JAM2: variants seen among roughly 807,000 people sequenced by gnomAD.
The protein encoded by JAM2 is junctional adhesion molecule 2, also known as junctional adhesion molecule B.
JAM2 carries 17 observed loss-of-function variants against 42.0 expected under a neutral mutation model. The ratio of observed to expected loss-of-function variants is 0.40; its 90% CI spans 0.28 to 0.61. The LOEUF (loss-of-function observed/expected upper bound fraction) is 0.61. Ranked by LOEUF, JAM2 falls within the 20% of genes least tolerant of loss-of-function variation. JAM2 has a pLI of 0.37. For missense variants in JAM2, 319 were observed against 358.3 expected (o/e 0.89, Z 0.89); for synonymous variants, 118 against 128.6 (o/e 0.92, Z 0.56).
rs551093874 is a variant in JAM2, at chr21:25,714,948, C to T, written c.*276C>T. ...CCTGGGCTTTGGGAAATGTTAACCACGTCCTAACTTCTAGAGAACGTTACT... is the reference window on the plus strand; with the variant it reads ...CCTGGGCTTTGGGAAATGTTAACCATGTCCTAACTTCTAGAGAACGTTACT... On this transcript the variant is annotated 3_prime_UTR_variant, in exon 10 of 10. Transcript: ENST00000480456. 5.5e-5 allele frequency: 16 copies of T among 289,364 alleles called. No homozygotes were observed. Among genetic ancestry groups the T allele is most frequent in the African/African-American group, 2.8e-4 (13 of 45,934 alleles). 17.9% of individuals were successfully genotyped at this position (289,364 alleles called of 1,614,324 possible).
chr21:25,663,828 A>C (rs1283085866), intron 1 of JAM2, among the ~76,000 whole-genome samples: 7 of 152,206 alleles, frequency 4.6e-5, no homozygotes, highest in Non-Finnish European at 8.8e-5. Flanking sequence ...GTATTCCATT[A>C]TCAGCAACAG....
intron 1 of JAM2, among the ~76,000 whole-genome samples, chr21:25,645,623 T>C (rs2032585204): frequency 6.6e-6 from 1 of 152,226 alleles, no homozygotes; most frequent in South Asian, 2.1e-4. Context: ...CACATACACA[T>C]ATAACCACTG....
intron 4 of JAM2, among the ~76,000 whole-genome samples, chr21:25,696,707 G>C (rs1245782956): frequency 6.6e-6 from 1 of 152,114 alleles, no homozygotes; most frequent in African/African-American, 2.4e-5. Flanking sequence ...CTCATTCTTG[G>C]TGTTGCCAGA....
At chr21:25,659,979 C>T (rs774186421) in intron 1 of JAM2, among the ~76,000 whole-genome samples, 3 of 151,310 alleles carry the variant, frequency 2.0e-5, no homozygotes, top group Non-Finnish European at 4.4e-5. Flanking sequence ...TGCAGTGGTG[C>T]GGATCTCGGC....
intron 7 of JAM2, among the ~76,000 whole-genome samples, chr21:25,709,098 AT>A (rs2034331440): frequency 6.6e-6 from 1 of 151,880 alleles, no homozygotes; most frequent in South Asian, 2.1e-4. Context: ...AAAGCATTCC[AT>A]TTCTCTAACT....
intron 6 of JAM2, among the ~76,000 whole-genome samples, chr21:25,703,051 C>A (rs2032083): frequency 6.6e-6 from 1 of 152,060 alleles, no homozygotes; most frequent in Non-Finnish European, 1.5e-5. Flanking sequence ...AGGGTTTCAC[C>A]GTGTTGGTCA....
intron 1 of JAM2, among the ~76,000 whole-genome samples, chr21:25,652,324 C>T (rs1054593241): frequency 5.9e-5 from 9 of 151,916 alleles, no homozygotes; most frequent in African/African-American, 1.9e-4. Context: ...CCTGGGAGAT[C>T]GAGGCTGTGG....
chr21:25,708,664 TG>T (rs1397321968), intron 7 of JAM2, among the ~76,000 whole-genome samples: 3 of 152,342 alleles, frequency 2.0e-5, no homozygotes, highest in African/African-American at 7.2e-5. Flanking sequence ...AATCCAGCTG[TG>T]GCCCCCTGCT....
chr21:25,695,505 G>A (rs1294080396), intron 4 of JAM2, among the ~76,000 whole-genome samples: 1 of 152,122 alleles, frequency 6.6e-6, no homozygotes, highest in Non-Finnish European at 1.5e-5. Flanking sequence ...CCTCCCAGAC[G>A]GGGCGGCCGC....
chr21:25,640,084 T>A (rs1452617432), intron 1 of JAM2, among the ~76,000 whole-genome samples, 196 bp downstream of exon 1: 1 of 152,110 alleles, frequency 6.6e-6, no homozygotes, highest in African/African-American at 2.4e-5. Context: ...GAGCGCGAGG[T>A]CGTGGGTTTC....
intron 2 of JAM2, 50 bp downstream of exon 2, chr21:25,683,998 G>A (rs373212840): frequency 7.8e-6 from 9 of 1,149,096 alleles, no homozygotes; most frequent in African/African-American, 3.1e-5. Flanking sequence ...AATAACTCAC[G>A]AGAGTGACTC....
At chr21:25,670,213 G>T (rs1420990095) in intron 1 of JAM2, among the ~76,000 whole-genome samples, 1 of 152,040 alleles carries the variant, frequency 6.6e-6, no homozygotes, top group Non-Finnish European at 1.5e-5. Context: ...GCTGCGCATG[G>T]TGGCTCATGC....
At chr21:25,689,026 T>G (rs555354091) in intron 2 of JAM2, among the ~76,000 whole-genome samples, 13 of 151,968 alleles carry the variant, frequency 8.6e-5, no homozygotes, top group East Asian at 3.9e-4. Context: ...TTTGTTTTTT[T>G]TTTTTTCTCT....
chr21:25,651,500 A>C (rs1408340755), intron 1 of JAM2, among the ~76,000 whole-genome samples: 1 of 152,220 alleles, frequency 6.6e-6, no homozygotes, highest in Non-Finnish European at 1.5e-5. Flanking sequence ...GTGAGATGAT[A>C]CAACTGCTAT....
chr21:25,689,807 A>C, intron 2 of JAM2, 59 bp from the exon 3 acceptor site: 1 of 1,073,056 alleles, frequency 9.3e-7, no homozygotes, highest in Non-Finnish European at 1.4e-6. Flanking sequence ...TACCTAGTTA[A>C]GTAAAATATA....
chr21:25,646,273 A>C lies in JAM2; in HGVS notation c.67+6385A>C, dbSNP rs545594446. On this transcript the variant is annotated intron_variant, in intron 1 of 9. Coordinates refer to ENST00000480456, the MANE Select transcript of JAM2 (RefSeq NM_021219.4). ...AAATCTGATCAGGAATTTAAGAAAA[A>C]TGGCTCTTTGGTTTTTAAGGAAAAA... Among the ~76,000 whole-genome samples, 4 of 152,336 alleles carry C rather than the reference A, an allele frequency of 2.6e-5. No individual in the cohort carries two copies. In the South Asian group the frequency reaches 8.3e-4, roughly 32 times the overall value.
intron 1 of JAM2, among the ~76,000 whole-genome samples, chr21:25,682,398 G>T (rs867009705): frequency 1.3e-5 from 2 of 152,164 alleles, no homozygotes; most frequent in African/African-American, 2.4e-5. Flanking sequence ...TTTGAATATT[G>T]AATTTTACAG....
intron 1 of JAM2, among the ~76,000 whole-genome samples, chr21:25,679,206 A>G (rs994889879): frequency 6.6e-6 from 1 of 152,256 alleles, no homozygotes; most frequent in East Asian, 1.9e-4. Context: ...ATGTTGATAT[A>G]TAGAGATGAA....
chr21:25,646,574 AAGAG>A (rs535490881), intron 1 of JAM2, among the ~76,000 whole-genome samples: 3 of 137,658 alleles, frequency 2.2e-5, no homozygotes, highest in East Asian at 1.9e-4. Context: ...TGTGGGGGGA[AAGAG>A]AGAGAGAGAG....
Sources: gnomAD v4.1 joint callset for allele counts (sites outside exome capture counted in the v4.1 genomes callset) on GRCh38, gnomAD v4.1.1 for gene constraint, MANE v1.5 for transcripts, NCBI Gene and HGNC (gene_info 2026-07-23, HGNC 2026-07-21) for gene names.